Variants in INPP5A observed in about 807,000 individuals in gnomAD.
INPP5A encodes the protein 43 kDa inositol polyphosphate 5-phophatase.
In INPP5A, 14 loss-of-function variants were observed where a neutral mutation model predicts 65.2. The ratio of observed to expected loss-of-function variants is 0.21; its 90% CI spans 0.14 to 0.34. The LOEUF (loss-of-function observed/expected upper bound fraction) is 0.34. INPP5A is among the 10% of genes least tolerant of loss of function. The pLI is 1.00. For missense variants in INPP5A, 431 were observed against 545.6 expected (o/e 0.79, Z 2.09); for synonymous variants, 207 against 208.3 (o/e 0.99, Z 0.05).
At chr10:132,585,555 G>T (rs1227640643) in intron 1 of INPP5A, among the ~76,000 whole-genome samples, 1 of 152,106 alleles carries the variant, frequency 6.6e-6, no homozygotes, top group Admixed American at 6.6e-5. Context: ...GGCGTCCACT[G>T]GGGGGGTCTT....
At chr10:132,692,805 C>T (rs1424182594) in intron 5 of INPP5A, among the ~76,000 whole-genome samples, 1 of 152,134 alleles carries the variant, frequency 6.6e-6, no homozygotes, top group African/African-American at 2.4e-5. Flanking sequence ...AGAAGCTCTT[C>T]AACGGAAGGA....
rs1845536046 is a variant in INPP5A at position 132,706,229 on chromosome 10, T to G, written c.475-2084T>G. ...TTGTGTTTGTTTGGTTGTTTGTATG[T>G]TTTTTATTTTTATAGAAAGGAGCAG... On this transcript the variant is annotated intron_variant, in intron 6 of 15. Transcript: ENST00000368594. This position sits in a 1 kb window ranked among gnomAD's most constrained non-coding sequence, Gnocchi z 4.7. 6.6e-6 allele frequency among the ~76,000 whole-genome samples: 1 copy of G among 152,238 alleles called. No homozygotes were observed. Among genetic ancestry groups the G allele is most frequent in the African/African-American group, 2.4e-5 (1 of 41,464 alleles).
At chr10:132,689,667 G>A (rs1845222949) in intron 4 of INPP5A, among the ~76,000 whole-genome samples, 1 of 152,238 alleles carries the variant, frequency 6.6e-6, no homozygotes, top group African/African-American at 2.4e-5. Context: ...ACACACTGCT[G>A]CATGTAGACA....
chr10:132,731,732 AGGGTTTCCTCCAGTGC>A (rs1261145116), intron 9 of INPP5A, among the ~76,000 whole-genome samples: 3 of 126,576 alleles, frequency 2.4e-5, no homozygotes, highest in South Asian at 2.6e-4. Flanking sequence ...TCCCCCAGTG[AGGGTTTCCTCCAGTGC>A]GGGTTTCCTC....
chr10:132,700,474 T>G (rs1276781282), intron 6 of INPP5A, among the ~76,000 whole-genome samples: 1 of 152,244 alleles, frequency 6.6e-6, no homozygotes, highest in Admixed American at 6.5e-5. Context: ...CCTGGTAAAT[T>G]AACAAAAGGA....
At chr10:132,647,292 G>GT (rs2072510622) in intron 3 of INPP5A, among the ~76,000 whole-genome samples, 2 of 151,674 alleles carry the variant, frequency 1.3e-5, no homozygotes, top group African/African-American at 2.4e-5. Flanking sequence ...ATTTTTTTGT[G>GT]TTTTTTTAGT....
At chr10:132,595,863 G>A (rs1039919418) in intron 1 of INPP5A, among the ~76,000 whole-genome samples, 1 of 151,668 alleles carries the variant, frequency 6.6e-6, no homozygotes, top group African/African-American at 2.4e-5. Context: ...CTGACTCCCA[G>A]AAATAGAGTT....
intron 2 of INPP5A, among the ~76,000 whole-genome samples, chr10:132,628,468 G>GT (rs1435413486): frequency 1.3e-5 from 2 of 148,970 alleles, no homozygotes; most frequent in Non-Finnish European, 3.0e-5. Flanking sequence ...GGTGGCGGGG[G>GT]GGGGGGGGGG....
intron 3 of INPP5A, among the ~76,000 whole-genome samples, chr10:132,647,684 G>C (rs1401911386): frequency 6.6e-6 from 1 of 152,138 alleles, no homozygotes; most frequent in African/African-American, 2.4e-5. Flanking sequence ...GCCCCACCCA[G>C]ACCCTCGCGG....
chr10:132,645,824 T>TGGAC, intron 2 of INPP5A, 44 bp from the exon 3 acceptor site: 1 of 1,483,550 alleles, frequency 6.7e-7, no homozygotes, highest in Non-Finnish European at 9.3e-7. Flanking sequence ...TGTGGCTCTG[T>TGGAC]GGACGGCTCC....
Position 132,675,190 on chromosome 10 carries a change from G to A in INPP5A, c.307-15202G>A, listed in dbSNP as rs1030533582. 3.4e-4 allele frequency among the ~76,000 whole-genome samples: 51 copies of A among 152,220 alleles called. 1 individual carries two copies. The highest frequency in any genetic ancestry group is 1.1e-3 in the African/African-American group (45 of 41,454). ...ACCATAGAGAGCATAGGGGTGTGCC[G>A]CAGTCACACTGACAGGCCACCTTCC... On this transcript the variant is annotated intron_variant, in intron 4 of 15. Transcript: ENST00000368594. This position sits in a 1 kb window ranked among gnomAD's most constrained non-coding sequence, Gnocchi z 4.2.
At chr10:132,667,112 A>G (rs912474550) in intron 4 of INPP5A, among the ~76,000 whole-genome samples, 3 of 152,278 alleles carry the variant, frequency 2.0e-5, no homozygotes, top group Non-Finnish European at 4.4e-5. Context: ...AGTTTTATAT[A>G]TCTATTTATG....
chr10:132,618,686 C>T (rs1590872136), intron 2 of INPP5A, among the ~76,000 whole-genome samples: 1 of 151,988 alleles, frequency 6.6e-6, no homozygotes, highest in South Asian at 2.1e-4. Flanking sequence ...GTGCAGGAAG[C>T]TTAGTGCTGG....
intron 4 of INPP5A, among the ~76,000 whole-genome samples, chr10:132,686,654 T>C (rs1345019753): frequency 6.6e-6 from 1 of 152,272 alleles, no homozygotes; most frequent in African/African-American, 2.4e-5. Flanking sequence ...TTTCTATCCC[T>C]GCACTGGCAA....
At chr10:132,602,299 A>C (rs1479102684) in intron 1 of INPP5A, among the ~76,000 whole-genome samples, 2 of 152,202 alleles carry the variant, frequency 1.3e-5, no homozygotes, top group Non-Finnish European at 2.9e-5. Context: ...CACGTTGCTG[A>C]ATTGCTGAAT....
intron 4 of INPP5A, among the ~76,000 whole-genome samples, chr10:132,658,418 A>G (rs1361593780): frequency 1.3e-5 from 2 of 152,132 alleles, no homozygotes; most frequent in Admixed American, 6.5e-5. Context: ...AGGACCTTCC[A>G]TCATAATTTT....
chr10:132,654,148 G>A (rs1008447202), intron 4 of INPP5A, among the ~76,000 whole-genome samples: 1 of 152,260 alleles, frequency 6.6e-6, no homozygotes, highest in Non-Finnish European at 1.5e-5. Context: ...AGGCTTGGGA[G>A]TGAGAGTGGG....
chr10:132,728,825 C>T (rs551695275), intron 9 of INPP5A, among the ~76,000 whole-genome samples: 9 of 152,190 alleles, frequency 5.9e-5, no homozygotes, highest in Non-Finnish European at 7.3e-5. Flanking sequence ...GGAGCAGCCG[C>T]GGGAGCCTCC....
Position 132,650,173 on chromosome 10 carries a change from G to A in INPP5A, c.219-245G>A, listed in dbSNP as rs1326576304. Among the ~76,000 whole-genome samples, 2 of 152,188 alleles carry A rather than the reference G, an allele frequency of 1.3e-5. No individual in the cohort carries two copies. Among genetic ancestry groups the A allele is most frequent in the East Asian group, 1.9e-4 (1 of 5,192 alleles). ...CCATCCCTGGGATGCCTCAGACCCC[G>A]GCATCTCACAGGCTGCGTGGAGACC... On this transcript the variant is annotated intron_variant, in intron 3 of 15. Coordinates refer to ENST00000368594, the MANE Select transcript of INPP5A (RefSeq NM_005539.5). This position sits in a 1 kb window ranked among gnomAD's most constrained non-coding sequence, Gnocchi z 5.5.
Sources: allele counts gnomAD v4.1 joint callset (sites outside exome capture counted in the v4.1 genomes callset), GRCh38; gene constraint gnomAD v4.1.1; non-coding constraint Gnocchi (gnomAD v3.1); transcripts MANE v1.5; gene names NCBI Gene and HGNC (gene_info 2026-07-23, HGNC 2026-07-21).